HDAC4: variants seen among roughly 807,000 people sequenced by gnomAD.
HDAC4 encodes histone deacetylase A.
In HDAC4, 16 loss-of-function variants were observed where a neutral mutation model predicts 135.1. That is an observed-to-expected ratio of 0.12 (90% confidence interval 0.08 to 0.18). The LOEUF is 0.18. Ranked by LOEUF, HDAC4 falls within the 10% of genes least tolerant of loss-of-function variation. HDAC4 has a pLI of 1.00. For synonymous variants in HDAC4, 685 were observed against 653.4 expected (o/e 1.05, Z -0.74); for missense variants, 1,143 against 1,511.8 (o/e 0.76, Z 4.05).
intron 15 of HDAC4, among the ~76,000 whole-genome samples, chr2:239,107,236 C>T (rs1158618662): frequency 1.3e-5 from 2 of 152,240 alleles, no homozygotes; most frequent in African/African-American, 4.8e-5. Context: ...CCGTCCTGCC[C>T]TCAGGTGTTA....
chr2:239,313,457 T>A lies in HDAC4; in HGVS notation c.22+39221A>T, dbSNP rs2052981755. Among the ~76,000 whole-genome samples the A allele has an allele frequency of 1.3e-5, 2 of 151,766 alleles. No homozygotes were observed. Among genetic ancestry groups the A allele is most frequent in the Non-Finnish European group, 2.9e-5 (2 of 67,934 alleles). ...CTGCCCAGGAGCCCGCTCCTCCAAT[T>A]GGGGGCTGGCCATCCCACCGAGCAC... is the stretch of plus-strand genomic sequence containing the variant. On this transcript the variant is annotated intron_variant, in intron 2 of 26. Coordinates refer to ENST00000543185, the MANE Select transcript of HDAC4 (RefSeq NM_001378414.1). The surrounding 1 kb of genome is among the most constrained non-coding windows in gnomAD (Gnocchi z 5.1).
chr2:239,054,067 G>A (rs1018610564), intron 25 of HDAC4, among the ~76,000 whole-genome samples: 5 of 151,980 alleles, frequency 3.3e-5, no homozygotes, highest in Non-Finnish European at 7.4e-5. Context: ...GCGCAAGGGG[G>A]TGTATGTGGA....
chr2:239,284,068 T>C (rs1056372838), intron 2 of HDAC4, among the ~76,000 whole-genome samples: 2 of 152,210 alleles, frequency 1.3e-5, no homozygotes, highest in Admixed American at 6.5e-5. Flanking sequence ...AACTGTGAAG[T>C]CCATGCTGCG....
chr2:239,271,402 A>C (rs1217146301), intron 2 of HDAC4, among the ~76,000 whole-genome samples: 1 of 152,270 alleles, frequency 6.6e-6, no homozygotes. Context: ...TTGGGATTAC[A>C]GGTGTGAGCC....
chr2:239,206,415 CACAT>C (rs1339654150), intron 3 of HDAC4, among the ~76,000 whole-genome samples: 3 of 152,076 alleles, frequency 2.0e-5, no homozygotes, highest in East Asian at 1.9e-4. Context: ...CACACACACA[CACAT>C]GGGTATGGCT....
At chr2:239,294,341 C>T (rs1186834731) in intron 2 of HDAC4, among the ~76,000 whole-genome samples, 2 of 152,160 alleles carry the variant, frequency 1.3e-5, no homozygotes, top group Non-Finnish European at 2.9e-5. Flanking sequence ...TTGGCAGAGG[C>T]CTGACTGATC....
intron 22 of HDAC4, among the ~76,000 whole-genome samples, chr2:239,074,129 A>G (rs983833859): frequency 6.6e-6 from 1 of 152,126 alleles, no homozygotes; most frequent in Admixed American, 6.5e-5. Flanking sequence ...TCTGCTTTCA[A>G]CTGTCCACAT....
intron 24 of HDAC4, chr2:239,055,452 C>G (rs554550818): frequency 6.1e-6 from 1 of 163,852 alleles, no homozygotes; most frequent in East Asian, 1.7e-4. Context: ...CGTGGTGGCT[C>G]ACGCCTGTAA....
At position 239,307,180 on chromosome 2, in the gene HDAC4, A is replaced by G. The variant is rs967984232; in HGVS notation, c.22+45498T>C. On this transcript the variant is annotated intron_variant, in intron 2 of 26. Transcript: ENST00000543185. This position sits in a 1 kb window ranked among gnomAD's most constrained non-coding sequence, Gnocchi z 4.8. ...GGTCTGGAAACCCTGACAGGGAGGG[A>G]GAAGAGAGCCCTGGGCACAAAGCCC... Among the ~76,000 whole-genome samples, 5 of 151,944 alleles carry G rather than the reference A, an allele frequency of 3.3e-5. No individual in the cohort carries two copies. Among genetic ancestry groups the G allele is most frequent in the African/African-American group, 1.2e-4 (5 of 41,352 alleles).
At chr2:239,316,013 C>T (rs150022551) in intron 2 of HDAC4, among the ~76,000 whole-genome samples, 57 of 152,184 alleles carry the variant, frequency 3.7e-4, no homozygotes, top group African/African-American at 1.3e-3. Context: ...AAATCTCTTC[C>T]ATCAGTAGAA....
chr2:239,399,718 T>C (rs1261224486), intron 1 of HDAC4, among the ~76,000 whole-genome samples: 1 of 152,194 alleles, frequency 6.6e-6, no homozygotes, highest in Non-Finnish European at 1.5e-5. Flanking sequence ...GGCGGCAAAG[T>C]GACTGCACAG....
intron 2 of HDAC4, among the ~76,000 whole-genome samples, chr2:239,310,207 T>C (rs1419873069): frequency 6.6e-6 from 1 of 152,186 alleles, no homozygotes; most frequent in African/African-American, 2.4e-5. Flanking sequence ...TCTTATTATA[T>C]ACAGAATTGC....
intron 1 of HDAC4, among the ~76,000 whole-genome samples, chr2:239,366,685 C>T (rs1694238710): frequency 2.0e-5 from 3 of 152,214 alleles, no homozygotes; most frequent in Non-Finnish European, 4.4e-5. Context: ...AAGGATTTGA[C>T]TTACGGTGTG....
At chr2:239,378,039 G>A (rs990345498) in intron 1 of HDAC4, among the ~76,000 whole-genome samples, 2 of 152,174 alleles carry the variant, frequency 1.3e-5, no homozygotes, top group South Asian at 4.1e-4. Flanking sequence ...CGCGTCCTGA[G>A]GCATCCCCTC....
intron 2 of HDAC4, among the ~76,000 whole-genome samples, chr2:239,319,142 A>G (rs1377313090): frequency 1.3e-5 from 2 of 152,264 alleles, no homozygotes; most frequent in African/African-American, 2.4e-5. Flanking sequence ...TCCAAAGGAT[A>G]TTACTTCCAG....
intron 1 of HDAC4, among the ~76,000 whole-genome samples, chr2:239,363,913 C>T (rs1694009529): frequency 6.6e-6 from 1 of 152,170 alleles, no homozygotes; most frequent in African/African-American, 2.4e-5. Flanking sequence ...AAGCAAAACA[C>T]ATCAACAGGT....
chr2:239,232,464 C>T (rs796735075), intron 3 of HDAC4, among the ~76,000 whole-genome samples: 2 of 152,310 alleles, frequency 1.3e-5, no homozygotes, highest in Admixed American at 6.5e-5. Context: ...CCGGGGGTCA[C>T]GAGCTCCCGC....
At chr2:239,242,989 G>A (rs1223119211) in intron 2 of HDAC4, among the ~76,000 whole-genome samples, 8 of 152,224 alleles carry the variant, frequency 5.3e-5, no homozygotes, top group African/African-American at 1.7e-4. Context: ...GGCCCAGGGG[G>A]TTTTTGGGAA....
At chr2:239,074,026 A>C (rs757950934) in intron 22 of HDAC4, among the ~76,000 whole-genome samples, 12 of 143,292 alleles carry the variant, frequency 8.4e-5, no homozygotes, top group South Asian at 2.3e-4. Context: ...TGAGGGGAGC[A>C]GCAGGACTGA....
Sources: gnomAD v4.1 joint callset for allele counts (sites outside exome capture counted in the v4.1 genomes callset) on GRCh38, gnomAD v4.1.1 for gene constraint, Gnocchi (gnomAD v3.1) non-coding constraint, MANE v1.5 for transcripts, NCBI Gene and HGNC (gene_info 2026-07-23, HGNC 2026-07-21) for gene names.